The following SNED1 variants were observed in gnomAD, a reference collection of about 807,000 sequenced individuals.
The protein encoded by SNED1 is sushi, nidogen and EGF-like domain-containing protein 1.
In SNED1, 81 loss-of-function variants were observed where a neutral mutation model predicts 166.7. The observed-to-expected ratio is 0.49, with a 90% confidence interval of 0.41 to 0.58. SNED1 has a LOEUF of 0.58. Among genes scored for constraint, SNED1 ranks in the 20% least tolerant of loss-of-function variants. The pLI, the probability that SNED1 is intolerant of heterozygous loss-of-function variation, is 0.00. For synonymous variants in SNED1, 762 were observed against 822.0 expected (o/e 0.93, Z 1.25); for missense variants, 1,604 against 2,000.2 (o/e 0.80, Z 3.78).
At chr2:241,085,492 C>T (rs2063529448) in intron 29 of SNED1, among the ~76,000 whole-genome samples, 1 of 152,150 alleles carries the variant, frequency 6.6e-6, no homozygotes, top group Admixed American at 6.5e-5. Flanking sequence ...CTTTAGCTCA[C>T]TGAACATGTG....
At chr2:241,089,362 G>A (rs555436993) in intron 31 of SNED1, 141 of 1,550,376 alleles carry the variant, frequency 9.1e-5, no homozygotes, top group African/African-American at 6.4e-4. Context: ...GTTTTGTTAC[G>A]TGCCTAAAAA....
rs143161017 is a variant in SNED1 at position 241,035,094 on chromosome 2, T to G, written c.805+364T>G. On this transcript the variant is annotated intron_variant, in intron 4 of 31. Coordinates refer to ENST00000310397, the MANE Select transcript of SNED1 (RefSeq NM_001080437.3). ...AGGGGAGGAGGAGCCCAGGGACACC[T>G]CTCCCTGGGACCATGTGGTCCCTAC... is the stretch of plus-strand genomic sequence containing the variant. Among the ~76,000 whole-genome samples, 283 of 151,984 alleles carry G rather than the reference T, an allele frequency of 1.9e-3. 1 individual carries two copies. The highest frequency in any genetic ancestry group is 3.2e-3 in the Non-Finnish European group (215 of 67,948).
intron 16 of SNED1, among the ~76,000 whole-genome samples, chr2:241,057,235 TG>T (rs2062075471): frequency 2.6e-5 from 4 of 151,414 alleles, no homozygotes; most frequent in African/African-American, 9.7e-5. Flanking sequence ...AAAAATTAGC[TG>T]GGCATGGTGG....
chr2:241,040,042 G>A (rs1010290014), intron 6 of SNED1, 33 bp from the exon 7 acceptor site: 1 of 1,495,672 alleles, frequency 6.7e-7, no homozygotes, highest in Non-Finnish European at 9.1e-7. Context: ...ATAACTGGGA[G>A]TCCATCGTCC....
intron 16 of SNED1, among the ~76,000 whole-genome samples, chr2:241,060,335 AC>A (rs1413976067): frequency 1.3e-5 from 2 of 151,998 alleles, no homozygotes; most frequent in Non-Finnish European, 2.9e-5. Context: ...GGCACTCACC[AC>A]CATACCCAGC....
intron 1 of SNED1, among the ~76,000 whole-genome samples, chr2:241,017,598 C>T (rs892353941): frequency 9.9e-5 from 15 of 152,250 alleles, no homozygotes; most frequent in Admixed American, 9.8e-4. Flanking sequence ...GCCTCTCTTA[C>T]CAAGCTACCT....
At chr2:241,044,171 C>T (rs1291147678) in intron 8 of SNED1, among the ~76,000 whole-genome samples, 5 of 151,924 alleles carry the variant, frequency 3.3e-5, no homozygotes, top group Non-Finnish European at 5.9e-5. Context: ...AAGTAAAAGC[C>T]GATAGCAAGA....
At chr2:241,055,112 G>A (rs1359558950) in intron 16 of SNED1, among the ~76,000 whole-genome samples, 1 of 147,524 alleles carries the variant, frequency 6.8e-6, no homozygotes, top group Admixed American at 6.8e-5. Context: ...GTAAGACTCT[G>A]TCTCAAAAAA....
chr2:241,028,064 A>T (rs2061036459), intron 1 of SNED1, among the ~76,000 whole-genome samples: 2 of 152,090 alleles, frequency 1.3e-5, no homozygotes, highest in South Asian at 4.2e-4. Flanking sequence ...GTGATGTTGA[A>T]CATGTTTCCA....
At chr2:241,070,261 T>C in intron 24 of SNED1, 60 bp downstream of exon 24, 4 of 1,515,334 alleles carry the variant, frequency 2.6e-6, no homozygotes, top group Non-Finnish European at 3.5e-6. Flanking sequence ...TCCACCCTGT[T>C]CAGGACTGAC....
rs796866596 is a variant in SNED1, at chr2:241,069,595, C to A, written c.3308-325C>A. 3.3e-5 allele frequency among the ~76,000 whole-genome samples: 5 copies of A among 152,306 alleles called. 1 individual carries two copies. The highest frequency in any genetic ancestry group is 1.2e-4 in the African/African-American group (5 of 41,572). On this transcript the variant is annotated intron_variant, in intron 23 of 31. Transcript: ENST00000310397. This position sits in a 1 kb window ranked among gnomAD's most constrained non-coding sequence, Gnocchi z 4.9. ...GGAAAGGCTGGTGGGGCAGGGGAGT[C>A]TGCACAGGGCTCCACGCAGCCAGGC...
chr2:241,063,554 C>T (rs1328152497), intron 17 of SNED1, 33 bp from the exon 18 acceptor site: 1 of 1,471,876 alleles, frequency 6.8e-7, no homozygotes, highest in Non-Finnish European at 9.4e-7. Context: ...AGACTTGAGC[C>T]AGCAACACCC....
rs2124884976 is a variant in SNED1, at chr2:241,018,145, T to C, written c.214-12139T>C. On this transcript the variant is annotated intron_variant, in intron 1 of 31. Transcript: ENST00000310397. This position sits in a 1 kb window ranked among gnomAD's most constrained non-coding sequence, Gnocchi z 5.4. ...CTGAGAACCGCCATTCGCCTTGCCG[T>C]GGTCCCTGCTGTGCTGATTTGGTTA... is the stretch of plus-strand genomic sequence containing the variant. Among the ~76,000 whole-genome samples, 1 of 152,362 alleles carries C rather than the reference T, an allele frequency of 6.6e-6. No homozygotes were observed. Among genetic ancestry groups the C allele is most frequent in the East Asian group, 1.9e-4 (1 of 5,190 alleles).
At position 241,051,706 on chromosome 2, in the gene SNED1, C is replaced by T. The variant is rs2061847334; in HGVS notation, c.1736-38C>T. The T allele has an allele frequency of 7.0e-7, 1 of 1,425,218 alleles. No homozygotes were observed. Among genetic ancestry groups the T allele is most frequent in the Non-Finnish European group, 9.3e-7 (1 of 1,076,776 alleles). 88.3% of individuals were successfully genotyped at this position (1,425,218 alleles called of 1,614,324 possible). A position where few individuals can be genotyped will look rare whatever the true frequency, so the allele number is the denominator to read the frequency against. On this transcript the variant is annotated intron_variant, in intron 12 of 31. Transcript: ENST00000310397. The surrounding 1 kb of genome is among the most constrained non-coding windows in gnomAD (Gnocchi z 4.7). ...ATAGTGGCTCTGTGGGGCCAGCAGC[C>T]TGGCCCCGTTCATCTGCCTCTCTGT...
In SNED1 at chr2:241,052,405, G is replaced by A; in HGVS notation, c.2020G>A (p.Asp674Asn). 1 of 1,602,450 alleles carries A rather than the reference G, an allele frequency of 6.2e-7. No individual in the cohort carries two copies. Among genetic ancestry groups the A allele is most frequent in the Non-Finnish European group, 8.5e-7 (1 of 1,174,218 alleles). The change falls in exon 15 of 32, where the codon GAC becomes AAC. Residue 674 changes from aspartate to asparagine, a missense_variant. By Grantham distance (23) the Asp-to-Asn change is conservative. Coordinates refer to ENST00000310397, the MANE Select transcript of SNED1 (RefSeq NM_001080437.3). ...SPCVNGGTCE[D>N]RDTDFFCHCQ... is the part of the protein sequence containing the mutation. ...GTGTGTGAATGGGGGCACCTGCGAG[G>A]ACCGGGACACGGATTTCTTCTGCCA...
intron 21 of SNED1, among the ~76,000 whole-genome samples, chr2:241,066,224 G>T (rs552566991): frequency 4.6e-5 from 7 of 152,150 alleles, no homozygotes; most frequent in African/African-American, 9.7e-5. Context: ...TGCAGGGGAG[G>T]CCCGGGTTGT....
At chr2:241,019,368 A>G (rs2060699970) in intron 1 of SNED1, among the ~76,000 whole-genome samples, 1 of 152,210 alleles carries the variant, frequency 6.6e-6, no homozygotes, top group East Asian at 1.9e-4. Context: ...AGGGAGCATC[A>G]CTGTCAGATG....
In SNED1 at chr2:241,040,207, G is replaced by C. The variant is rs1025314700; in HGVS notation, c.1159+19G>C. The C allele has an allele frequency of 6.3e-7, 1 of 1,579,102 alleles. No homozygotes were observed. The highest frequency in any genetic ancestry group is 1.3e-5 in the African/African-American group (1 of 74,124). ...GAGATGGGTGAGTGGCCTGGCTTCG[G>C]ATTGGAGAGGGGCTCCTGCCCGTGG... On this transcript the variant is annotated intron_variant, in intron 7 of 31. Transcript: ENST00000310397.
chr2:241,019,949 A>G (rs2060721866), intron 1 of SNED1, among the ~76,000 whole-genome samples: 1 of 152,188 alleles, frequency 6.6e-6, no homozygotes, highest in African/African-American at 2.4e-5. Context: ...GTAGACAGTA[A>G]GTACGTGAGT....
Sources: gnomAD v4.1 joint callset for allele counts (sites outside exome capture counted in the v4.1 genomes callset) on GRCh38, gnomAD v4.1.1 for gene constraint, Gnocchi (gnomAD v3.1) non-coding constraint, MANE v1.5 for transcripts, NCBI Gene and HGNC (gene_info 2026-07-23, HGNC 2026-07-21) for gene names.